The following STRN3 variants were observed in gnomAD, a reference collection of about 807,000 sequenced individuals.
The protein encoded by STRN3 is striatin-3.
A neutral mutation model predicts 95.6 loss-of-function variants in STRN3; 29 were observed. The observed-to-expected ratio is 0.30, with a 90% CI of 0.23 to 0.41. The LOEUF (loss-of-function observed/expected upper bound fraction) is 0.41. Ranked by LOEUF, STRN3 falls within the 10% of genes least tolerant of loss-of-function variation. The probability of loss-of-function intolerance (pLI) is 1.00; values close to 1 mark genes in which losing one functional copy is unlikely to be tolerated. For missense variants in STRN3, 890 were observed against 972.1 expected (o/e 0.92, Z 1.12); for synonymous variants, 331 against 357.6 (o/e 0.93, Z 0.84).
At chr14:30,911,447 G>A (rs533555181) in intron 12 of STRN3, among the ~76,000 whole-genome samples, 2 of 151,864 alleles carry the variant, frequency 1.3e-5, no homozygotes, top group African/African-American at 2.4e-5. Flanking sequence ...GACTACAAGC[G>A]CACGCCAACA....
rs578155470 is a variant in STRN3, at chr14:30,973,925, T to C, written c.283-17683A>G. ...GACAGAATTCAACACCCTTTCATGATAACACTCCACACACAAGAAACAGAA... is the reference window on the plus strand; with the variant it reads ...GACAGAATTCAACACCCTTTCATGACAACACTCCACACACAAGAAACAGAA... On this transcript the variant is annotated intron_variant, in intron 1 of 17. Coordinates refer to ENST00000357479, the MANE Select transcript of STRN3 (RefSeq NM_001083893.2). Among the ~76,000 whole-genome samples the C allele has an allele frequency of 2.0e-5, 3 of 152,314 alleles. No homozygotes were observed. In the East Asian group the frequency reaches 5.8e-4, roughly 29 times the overall value.
chr14:30,987,303 C>T (rs975206479), intron 1 of STRN3, among the ~76,000 whole-genome samples: 2 of 152,052 alleles, frequency 1.3e-5, no homozygotes, highest in Non-Finnish European at 2.9e-5. Context: ...GTCAGGAGAT[C>T]GAGACTATCC....
In STRN3 at chr14:30,969,921, G is replaced by C. The variant is rs139609229; in HGVS notation, c.283-13679C>G. On this transcript the variant is annotated intron_variant, in intron 1 of 17. Transcript: ENST00000357479. ...CATGGGAAGGACCCTACCTTGTGCT[G>C]CTAACCACCAAGACTGCTGTTCGTA... Among the ~76,000 whole-genome samples, 1,435 of 152,158 alleles carry C rather than the reference G, an allele frequency of 9.4e-3. 27 individuals are homozygous for C. The highest frequency in any genetic ancestry group is 0.031 in the African/African-American group (1,298 of 41,498).
chr14:30,949,961 G>A (rs1879558941), intron 4 of STRN3, among the ~76,000 whole-genome samples: 1 of 152,062 alleles, frequency 6.6e-6, no homozygotes, highest in Non-Finnish European at 1.5e-5. Context: ...ACTAGAAAGA[G>A]ACAGACATAG....
intron 1 of STRN3, among the ~76,000 whole-genome samples, chr14:31,009,561 G>C (rs1314515525): frequency 6.7e-6 from 1 of 148,696 alleles, no homozygotes; most frequent in African/African-American, 2.5e-5. Flanking sequence ...AAATATAGCA[G>C]TGGTTGTTCC....
At position 30,907,296 on chromosome 14, in the gene STRN3, A is replaced by T. The variant is rs367544932; in HGVS notation, c.1721-252T>A. 4.4e-4 allele frequency among the ~76,000 whole-genome samples: 66 copies of T among 151,148 alleles called. 2 individuals carry two copies. The South Asian group carries it at 0.013, about 29-fold the overall frequency. ...AAACATATGCTTTTTTTTTTTTTTAAAACAGCTTTCTTGAGATACAGATAT... is the reference window on the plus strand; with the variant it reads ...AAACATATGCTTTTTTTTTTTTTTATAACAGCTTTCTTGAGATACAGATAT... On this transcript the variant is annotated intron_variant, in intron 13 of 17. Coordinates refer to ENST00000357479, the MANE Select transcript of STRN3 (RefSeq NM_001083893.2).
intron 1 of STRN3, among the ~76,000 whole-genome samples, chr14:31,010,225 TTTTTTC>T (rs1408391101): frequency 6.6e-6 from 1 of 152,178 alleles, no homozygotes; most frequent in African/African-American, 2.4e-5. Context: ...TTTATAACTA[TTTTTTC>T]TTTTTATTAT....
At chr14:31,021,844 G>A (rs1883522309) in intron 1 of STRN3, among the ~76,000 whole-genome samples, 1 of 152,152 alleles carries the variant, frequency 6.6e-6, no homozygotes, top group Admixed American at 6.5e-5. Context: ...CGAAAAGGCA[G>A]ACTACAGAGT....
chr14:31,022,826 A>T (rs1242493223), intron 1 of STRN3, among the ~76,000 whole-genome samples: 1 of 152,196 alleles, frequency 6.6e-6, no homozygotes, highest in African/African-American at 2.4e-5. Flanking sequence ...CCTGTAAAAC[A>T]GGAATACTCA....
At chr14:30,926,963 T>A (rs1040387927) in intron 8 of STRN3, among the ~76,000 whole-genome samples, 1 of 152,054 alleles carries the variant, frequency 6.6e-6, no homozygotes, top group African/African-American at 2.4e-5. Context: ...TTTTCTATGA[T>A]GGTAGTAGGC....
chr14:31,016,537 A>G (rs1287592124), intron 1 of STRN3, among the ~76,000 whole-genome samples: 3 of 150,668 alleles, frequency 2.0e-5, no homozygotes. Flanking sequence ...CAGAAAAATA[A>G]TAAAAATATA....
chr14:30,929,954 CAAAAA>C (rs1191963792), intron 7 of STRN3, among the ~76,000 whole-genome samples: 661 of 39,984 alleles, frequency 0.017, 10 homozygotes, highest in Middle Eastern at 0.04. Flanking sequence ...CTAAGATTAG[CAAAAA>C]AAAAAAAAAA....
At chr14:30,982,433 A>G (rs1028622857) in intron 1 of STRN3, among the ~76,000 whole-genome samples, 3 of 152,074 alleles carry the variant, frequency 2.0e-5, no homozygotes, top group South Asian at 4.1e-4. Context: ...TCAGCCTCCC[A>G]AGTAGCTGGG....
intron 7 of STRN3, among the ~76,000 whole-genome samples, chr14:30,934,725 C>T (rs1878731120): frequency 6.6e-6 from 1 of 152,048 alleles, no homozygotes; most frequent in Admixed American, 6.6e-5. Flanking sequence ...TTTCTAATTA[C>T]TAATTTCTAA....
chr14:30,947,009 C>A, intron 5 of STRN3, 81 bp downstream of exon 5: 3 of 973,480 alleles, frequency 3.1e-6, no homozygotes, highest in South Asian at 2.9e-5. Flanking sequence ...TTCTTAATGG[C>A]AGTAACAAGG....
chr14:30,992,266 C>T (rs1881992480), intron 1 of STRN3, among the ~76,000 whole-genome samples: 7 of 151,858 alleles, frequency 4.6e-5, no homozygotes, highest in Admixed American at 4.6e-4. Flanking sequence ...CAAAAATTAG[C>T]TGGGCATGGT....
At chr14:30,991,959 AAAC>A (rs1331747681) in intron 1 of STRN3, among the ~76,000 whole-genome samples, 5 of 151,870 alleles carry the variant, frequency 3.3e-5, no homozygotes, top group African/African-American at 9.7e-5. Flanking sequence ...CAAATAAATA[AAAC>A]ATCATTAAAA....
At chr14:30,901,292 A>T (rs1384323622) in intron 16 of STRN3, among the ~76,000 whole-genome samples, 3 of 145,534 alleles carry the variant, frequency 2.1e-5, no homozygotes, top group South Asian at 4.5e-4. Flanking sequence ...AAAAAAAAAA[A>T]TTTAAATATT....
chr14:30,925,003 G>A (rs961529286), intron 8 of STRN3, among the ~76,000 whole-genome samples: 1 of 152,202 alleles, frequency 6.6e-6, no homozygotes, highest in African/African-American at 2.4e-5. Flanking sequence ...AAAATAAAAA[G>A]TTAAAAGGAA....
Sources: allele counts gnomAD v4.1 joint callset (sites outside exome capture counted in the v4.1 genomes callset), GRCh38; gene constraint gnomAD v4.1.1; transcripts MANE v1.5; gene names NCBI Gene and HGNC (gene_info 2026-07-23, HGNC 2026-07-21).